The following SOS1 variants were observed in gnomAD, a reference collection of about 807,000 sequenced individuals.
The protein encoded by SOS1 is son of sevenless homolog 1.
A neutral mutation model predicts 157.6 loss-of-function variants in SOS1; 25 were observed. The ratio of observed to expected loss-of-function variants is 0.16; its 90% CI spans 0.12 to 0.22. The LOEUF is 0.22. Ranked by LOEUF, SOS1 falls within the 10% of genes least tolerant of loss-of-function variation. The pLI is 1.00. For synonymous variants in SOS1, 528 were observed against 534.0 expected, an observed-to-expected ratio of 0.99 and a Z score of 0.16; for missense variants, 1,237 against 1,599.1, an observed-to-expected ratio of 0.77 and a Z score of 3.86.
chr2:39,020,715 C>T (rs2123882), intron 10 of SOS1, among the ~76,000 whole-genome samples: 118,525 of 151,538 alleles, frequency 0.78, 49,147 homozygotes, highest in Non-Finnish European at 0.92. Flanking sequence ...TCTATGTTGC[C>T]AGTAATAACT....
intron 1 of SOS1, among the ~76,000 whole-genome samples, chr2:39,111,291 T>C (rs947423102): frequency 6.6e-6 from 1 of 152,122 alleles, no homozygotes. Context: ...AGGCATGCCA[T>C]AGAGCAAACA....
chr2:39,053,078 G>A (rs538886621), intron 5 of SOS1, among the ~76,000 whole-genome samples: 2 of 152,184 alleles, frequency 1.3e-5, no homozygotes, highest in South Asian at 4.1e-4. Flanking sequence ...GCTTGAACCT[G>A]GGAGGCAGAG....
chr2:39,042,304 A>G (rs1284155501), intron 6 of SOS1, among the ~76,000 whole-genome samples: 1 of 152,128 alleles, frequency 6.6e-6, no homozygotes, highest in African/African-American at 2.4e-5. Context: ...TATCTGGGGG[A>G]CAACTGGTAT....
intron 1 of SOS1, among the ~76,000 whole-genome samples, chr2:39,117,625 C>A (rs911799703): frequency 6.6e-6 from 1 of 152,158 alleles, no homozygotes; most frequent in Non-Finnish European, 1.5e-5. Flanking sequence ...AAGACATCAA[C>A]AATTCTGAGT....
intron 1 of SOS1, among the ~76,000 whole-genome samples, chr2:39,111,752 G>C (rs954578644): frequency 1.4e-5 from 2 of 147,150 alleles, no homozygotes; most frequent in Non-Finnish European, 3.0e-5. Context: ...TTTTTGAGAC[G>C]GAGTTTCGCT....
At chr2:39,080,973 C>T (rs1485907123) in intron 1 of SOS1, among the ~76,000 whole-genome samples, 1 of 151,830 alleles carries the variant, frequency 6.6e-6, no homozygotes, top group South Asian at 2.1e-4. Context: ...ATTGCTTGAG[C>T]CTAGGAGTTC....
At chr2:39,069,403 C>A (rs1237360490) in intron 1 of SOS1, among the ~76,000 whole-genome samples, 1 of 151,588 alleles carries the variant, frequency 6.6e-6, no homozygotes, top group Admixed American at 6.6e-5. Flanking sequence ...AAGATAGTAT[C>A]CTACATAATA....
intron 6 of SOS1, among the ~76,000 whole-genome samples, chr2:39,042,732 TA>T (rs753076688): frequency 8.7e-5 from 13 of 148,944 alleles, no homozygotes; most frequent in East Asian, 3.9e-4. Context: ...TTTTTTTTTT[TA>T]AAAACAAAGG....
intron 19 of SOS1, among the ~76,000 whole-genome samples, chr2:38,995,837 C>G (rs1302228897): frequency 6.6e-6 from 1 of 152,126 alleles, no homozygotes; most frequent in Admixed American, 6.5e-5. Flanking sequence ...CATTAAATTG[C>G]CCAATTTTCA....
In SOS1 at chr2:39,013,454, A is replaced by C. The variant is rs186640807; in HGVS notation, c.2167+6T>G. On this transcript the variant is annotated splice_donor_region_variant and intron_variant, in intron 13 of 22. Transcript: ENST00000402219. ...TAAAACTAGGCACCTAAAAAAAAAA[A>C]CATACCTCTTACTGTTCCAATAAAT... 8.6e-4 allele frequency: 1,358 copies of C among 1,570,590 alleles called. 11 individuals are homozygous for C. The African/African-American group carries it at 0.017, about 19-fold the overall frequency.
At chr2:39,109,191 C>T (rs1385621766) in intron 1 of SOS1, among the ~76,000 whole-genome samples, 1 of 152,038 alleles carries the variant, frequency 6.6e-6, no homozygotes, top group Non-Finnish European at 1.5e-5. Flanking sequence ...AGAGCGAGAA[C>T]TTGTCTCGAA....
chr2:39,058,125 T>C (rs1275713013), intron 3 of SOS1, among the ~76,000 whole-genome samples: 2 of 152,102 alleles, frequency 1.3e-5, no homozygotes, highest in Non-Finnish European at 2.9e-5. Flanking sequence ...TAATAGTAGT[T>C]CGTTACATTA....
intron 1 of SOS1, among the ~76,000 whole-genome samples, chr2:39,077,652 G>A (rs297135): frequency 0.93 from 141,913 of 152,266 alleles, 66,249 homozygotes; most frequent in African/African-American, 0.97. Flanking sequence ...AAAGACCACC[G>A]TAATGGAGAG....
In SOS1 at chr2:39,115,577, G is replaced by C. The variant is rs185294708; in HGVS notation, c.87+4759C>G. Among the ~76,000 whole-genome samples the C allele has an allele frequency of 3.5e-4, 53 of 151,776 alleles. No individual in the cohort carries two copies. In the East Asian group the frequency reaches 9.3e-3, roughly 27 times the overall value. ...CTACAGGCTCATGCCACCACACCTG[G>C]CTAATTTTTTTAAATGTTTTGGCTA... On this transcript the variant is annotated intron_variant, in intron 1 of 22. Transcript: ENST00000402219.
At chr2:39,099,564 G>C (rs1672891675) in intron 1 of SOS1, among the ~76,000 whole-genome samples, 1 of 151,906 alleles carries the variant, frequency 6.6e-6, no homozygotes, top group Non-Finnish European at 1.5e-5. Flanking sequence ...AATTGTATAG[G>C]TTAATACTAG....
At chr2:39,102,880 A>G (rs1359810260) in intron 1 of SOS1, among the ~76,000 whole-genome samples, 4 of 152,158 alleles carry the variant, frequency 2.6e-5, no homozygotes, top group Non-Finnish European at 5.9e-5. Context: ...GCTGGAGCCC[A>G]GGAAGTTGAG....
In SOS1 at chr2:38,995,431, T is replaced by C. The variant is rs201339085; in HGVS notation, c.3082-44A>G. On this transcript the variant is annotated intron_variant, in intron 19 of 22. Transcript: ENST00000402219. ...AAACACAATACTTTAAACACTGTAG[T>C]AGAAAGGAAAGTTTTTCTATATGTG... is the stretch of plus-strand genomic sequence containing the variant. The C allele has an allele frequency of 3.7e-5, 58 of 1,547,238 alleles. No individual in the cohort carries two copies. The African/African-American group carries it at 7.3e-4, about 20-fold the overall frequency.
At chr2:39,047,816 C>A (rs1670845111) in intron 6 of SOS1, among the ~76,000 whole-genome samples, 1 of 92,146 alleles carries the variant, frequency 1.1e-5, no homozygotes, top group East Asian at 2.8e-4. Flanking sequence ...TGCAGGCATG[C>A]ACCACTATGC....
Position 38,985,593 on chromosome 2 carries a change from A to C in SOS1, c.*231T>G. 1 of 512,082 alleles carries C rather than the reference A, an allele frequency of 2.0e-6. No homozygotes were observed. The highest frequency in any genetic ancestry group is 3.2e-5 in the Admixed American group (1 of 30,992). 31.7% of individuals were successfully genotyped at this position (512,082 alleles called of 1,614,324 possible). A position where few individuals can be genotyped will look rare whatever the true frequency, so the allele number is the denominator to read the frequency against. The stretch of plus-strand genomic sequence containing the variant: ...AAGTCCCTTTATGATTTTCAGGTGC[A>C]ATCAGTTGTCCAATTCCTCTAGGTC... On this transcript the variant is annotated 3_prime_UTR_variant, in exon 23 of 23. Transcript: ENST00000402219.
Sources: gnomAD v4.1 joint callset for allele counts (sites outside exome capture counted in the v4.1 genomes callset) on GRCh38, gnomAD v4.1.1 for gene constraint, MANE v1.5 for transcripts, NCBI Gene and HGNC (gene_info 2026-07-23, HGNC 2026-07-21) for gene names.